The following CCM2 variants were observed in gnomAD, a reference collection of about 807,000 sequenced individuals.
CCM2 encodes cerebral cavernous malformations 2 protein.
A neutral mutation model predicts 44.9 loss-of-function variants in CCM2; 25 were observed. The observed-to-expected ratio is 0.56, with a 90% CI of 0.41 to 0.78. The LOEUF is 0.78. Ranked by LOEUF, CCM2 falls within the 30% of genes least tolerant of loss-of-function variation. The pLI, the probability that CCM2 is intolerant of heterozygous loss-of-function variation, is 0.00. For synonymous variants in CCM2, 219 were observed against 241.1 expected (o/e 0.91, Z 0.85); for missense variants, 481 against 580.6 (o/e 0.83, Z 1.76).
At chr7:45,070,112 G>A in intron 6 of CCM2, 151 bp downstream of exon 6, 1 of 944,140 alleles carries the variant, frequency 1.1e-6, no homozygotes, top group Non-Finnish European at 1.6e-6. Context: ...GTTCACATTA[G>A]CCCATAGGGT....
chr7:45,041,948 G>A (rs796328434), intron 2 of CCM2, among the ~76,000 whole-genome samples: 22 of 152,316 alleles, frequency 1.4e-4, no homozygotes, highest in African/African-American at 5.3e-4. Flanking sequence ...AGGAGGCCAA[G>A]TAGGGAATCT....
intron 2 of CCM2, among the ~76,000 whole-genome samples, chr7:45,043,372 A>T (rs1216090830): frequency 6.6e-6 from 1 of 152,258 alleles, no homozygotes; most frequent in African/African-American, 2.4e-5. Flanking sequence ...CAAACATAAA[A>T]TTCCTCAGGA....
intron 1 of CCM2, among the ~76,000 whole-genome samples, chr7:45,001,169 T>G (rs1795607274): frequency 6.6e-6 from 1 of 152,210 alleles, no homozygotes; most frequent in Admixed American, 6.5e-5. Context: ...CCCTGAACTC[T>G]GCAGGGAAGT....
At chr7:45,022,478 T>C (rs1401690694) in intron 1 of CCM2, among the ~76,000 whole-genome samples, 1 of 151,232 alleles carries the variant, frequency 6.6e-6, no homozygotes, top group Non-Finnish European at 1.5e-5. Flanking sequence ...GGCTAATTTT[T>C]TGTATTTTTA....
At chr7:45,024,001 G>C (rs972030086) in intron 1 of CCM2, among the ~76,000 whole-genome samples, 9 of 151,694 alleles carry the variant, frequency 5.9e-5, no homozygotes, top group Non-Finnish European at 1.2e-4. Flanking sequence ...GTAGAGTTGG[G>C]GGTTTCTCCA....
At chr7:45,000,725 T>C (rs1795577570) in intron 1 of CCM2, among the ~76,000 whole-genome samples, 1 of 152,210 alleles carries the variant, frequency 6.6e-6, no homozygotes, top group Non-Finnish European at 1.5e-5. Context: ...GTGGAGACGT[T>C]TGCTGCTCAC....
At chr7:45,003,906 T>A (rs1795744283) in intron 1 of CCM2, among the ~76,000 whole-genome samples, 1 of 152,124 alleles carries the variant, frequency 6.6e-6, no homozygotes, top group African/African-American at 2.4e-5. Flanking sequence ...ATAGGTTGAG[T>A]GTAGTGGCTA....
intron 2 of CCM2, among the ~76,000 whole-genome samples, chr7:45,061,097 T>G (rs966082143): frequency 1.3e-5 from 2 of 152,198 alleles, no homozygotes; most frequent in African/African-American, 4.8e-5. Flanking sequence ...TTTTTGGGTT[T>G]TCTTCAAGAT....
intron 1 of CCM2, among the ~76,000 whole-genome samples, chr7:45,005,004 A>G (rs1004340705): frequency 6.6e-6 from 1 of 152,178 alleles, no homozygotes; most frequent in African/African-American, 2.4e-5. Context: ...CTCAAAAAAA[A>G]AAAAAAGGCT....
intron 2 of CCM2, among the ~76,000 whole-genome samples, chr7:45,053,418 C>A (rs572774894): frequency 6.6e-6 from 1 of 152,140 alleles, no homozygotes; most frequent in Non-Finnish European, 1.5e-5. Flanking sequence ...CTGCTTATTC[C>A]GTTTTGATTT....
chr7:45,066,088 A>G (rs1345041514), intron 4 of CCM2, among the ~76,000 whole-genome samples: 1 of 152,168 alleles, frequency 6.6e-6, no homozygotes, highest in Non-Finnish European at 1.5e-5. Flanking sequence ...GAAATGGATG[A>G]CAGATTTTTT....
chr7:45,017,008 A>G (rs559453693), intron 1 of CCM2, among the ~76,000 whole-genome samples: 4 of 152,058 alleles, frequency 2.6e-5, no homozygotes, highest in Non-Finnish European at 5.9e-5. Flanking sequence ...TGACCTCGTG[A>G]TCCACCTGCC....
Position 45,076,422 on chromosome 7 carries a change from A to T in CCM2, c.*365A>T. ...CCTATTGTAACTCTCAGAGACCTTA[A>T]AAAGAAGTTTACTGCAATGTGAATA... On this transcript the variant is annotated 3_prime_UTR_variant, in exon 10 of 10. Transcript: ENST00000258781. 2.5e-6 allele frequency: 1 copy of T among 403,494 alleles called. No homozygotes were observed. The highest frequency in any genetic ancestry group is 2.0e-5 in the South Asian group (1 of 50,350). The allele number at this position is 403,494 out of a possible 1,614,324, so 25.0% of individuals were successfully genotyped here.
rs1796728306 is a variant in CCM2 at position 45,027,232 on chromosome 7, A to G, written c.31-11021A>G. 2.2e-5 allele frequency: 6 copies of G among 277,850 alleles called. No homozygotes were observed. The Admixed American group carries it at 2.5e-4, about 11-fold the overall frequency. The allele number at this position is 277,850 out of a possible 1,614,324, so 17.2% of individuals were successfully genotyped here. On this transcript the variant is annotated intron_variant, in intron 1 of 9. Coordinates refer to ENST00000258781, the MANE Select transcript of CCM2 (RefSeq NM_031443.4). ...AAGCACTGCAAATGGGGTAACTGGA[A>G]CAGCCTTGTCGCGTGTTTCCACCCT...
chr7:45,017,156 T>C (rs772490471), intron 1 of CCM2, among the ~76,000 whole-genome samples: 1 of 152,226 alleles, frequency 6.6e-6, no homozygotes, highest in African/African-American at 2.4e-5. Flanking sequence ...GGGGATTTGG[T>C]GTATAGATTA....
At chr7:45,009,854 G>T (rs1476282139) in intron 1 of CCM2, among the ~76,000 whole-genome samples, 1 of 151,572 alleles carries the variant, frequency 6.6e-6, no homozygotes, top group African/African-American at 2.4e-5. Context: ...ATTAACTAGG[G>T]TTCAATATTT....
At chr7:45,023,815 T>G (rs1441633218) in intron 1 of CCM2, among the ~76,000 whole-genome samples, 5 of 142,728 alleles carry the variant, frequency 3.5e-5, no homozygotes, top group Admixed American at 2.2e-4. Flanking sequence ...TTTTTTTTTT[T>G]TTTTTTTTTT....
chr7:45,040,982 G>T (rs1400158911), intron 2 of CCM2, among the ~76,000 whole-genome samples: 4 of 152,052 alleles, frequency 2.6e-5, no homozygotes, highest in African/African-American at 9.7e-5. Flanking sequence ...AGCGTGAGAC[G>T]CGGTCTTCAA....
chr7:45,063,176 A>T (rs1422268459), intron 2 of CCM2: 2 of 152,210 alleles, frequency 1.3e-5, no homozygotes, highest in African/African-American at 2.4e-5. Flanking sequence ...GGGTTCAAGC[A>T]ATTATCCTGC....
Sources: gnomAD v4.1 joint callset for allele counts (sites outside exome capture counted in the v4.1 genomes callset) on GRCh38, gnomAD v4.1.1 for gene constraint, MANE v1.5 for transcripts, NCBI Gene and HGNC (gene_info 2026-07-23, HGNC 2026-07-21) for gene names.